Variants in RGS20 observed in about 807,000 individuals in gnomAD.
RGS20 encodes regulator of G protein signaling 20.
Under a neutral mutation model 33.6 loss-of-function variants are expected in RGS20, and 30 were observed. That is an observed-to-expected ratio of 0.89 (90% CI 0.67 to 1.21). The LOEUF is 1.21. Among genes scored for constraint, RGS20 ranks in the 50% most tolerant of loss-of-function variants. RGS20 has a pLI of 0.00. For synonymous variants in RGS20, 208 were observed against 197.9 expected (o/e 1.05, Z -0.43); for missense variants, 472 against 502.4 (o/e 0.94, Z 0.58).
At chr8:53,857,286 C>T (rs1337974291) in intron 1 of RGS20, among the ~76,000 whole-genome samples, 1 of 152,210 alleles carries the variant, frequency 6.6e-6, no homozygotes, top group Non-Finnish European at 1.5e-5. Context: ...GCTGCAGGGT[C>T]TTCCCAAGTG....
At chr8:53,902,707 A>C (rs1813063266) in intron 2 of RGS20, among the ~76,000 whole-genome samples, 1 of 151,798 alleles carries the variant, frequency 6.6e-6, no homozygotes, top group Non-Finnish European at 1.5e-5. Flanking sequence ...TAAGCTTTTA[A>C]ATGTAAAAAC....
chr8:53,939,808 T>C (rs1814238747), intron 3 of RGS20, 84 bp downstream of exon 2: 2 of 1,419,598 alleles, frequency 1.4e-6, no homozygotes, highest in South Asian at 2.9e-5. Context: ...CCCCTGAAAG[T>C]GGTGGCAGCT....
At chr8:53,923,581 T>TGA in intron 2 of RGS20, among the ~76,000 whole-genome samples, 1 of 151,254 alleles carries the variant, frequency 6.6e-6, no homozygotes, top group Non-Finnish European at 1.5e-5. Flanking sequence ...GGCGACAGAG[T>TGA]GAGACTCTGT....
At chr8:53,854,557 G>GA (rs953533417) in intron 1 of RGS20, among the ~76,000 whole-genome samples, 11 of 151,400 alleles carry the variant, frequency 7.3e-5, no homozygotes, top group Admixed American at 3.3e-4. Flanking sequence ...AGCTAAAATG[G>GA]AAAAAAATAG....
At chr8:53,929,668 C>CA (rs1289926054) in intron 2 of RGS20, among the ~76,000 whole-genome samples, 1 of 151,724 alleles carries the variant, frequency 6.6e-6, no homozygotes. Flanking sequence ...AACTACATAT[C>CA]AAAAAAAATG....
intron 2 of RGS20, among the ~76,000 whole-genome samples, chr8:53,907,419 A>G (rs917245676): frequency 6.6e-6 from 1 of 152,006 alleles, no homozygotes; most frequent in Admixed American, 6.6e-5. Flanking sequence ...ATCTGTCTCT[A>G]CTGAAAATAT....
At chr8:53,865,350 T>C (rs1362745036) in intron 1 of RGS20, among the ~76,000 whole-genome samples, 1 of 152,200 alleles carries the variant, frequency 6.6e-6, no homozygotes, top group Non-Finnish European at 1.5e-5. Context: ...GCAGCCTCTA[T>C]CCCACAGTTT....
At chr8:53,937,691 AAAAC>A (rs1328806960) in intron 2 of RGS20, among the ~76,000 whole-genome samples, 76 of 152,222 alleles carry the variant, frequency 5.0e-4, no homozygotes, top group African/African-American at 1.5e-3. Flanking sequence ...TTACAAGAAA[AAAAC>A]AAACAACCCC....
rs747416229 is a variant in RGS20, at chr8:53,937,317, AAAAAT to A, written c.511-2249_511-2245del. ...AATAAATAAATAAATAAATAAACAT[AAAAAT>A]AAAATAAAAAAAGAAAACTGAAATT... On this transcript the variant is annotated intron_variant, in intron 2 of 5. Coordinates refer to ENST00000297313, the MANE Select transcript of RGS20 (RefSeq NM_170587.4). Among the ~76,000 whole-genome samples, 59 of 151,858 alleles carry A rather than the reference AAAAAT, an allele frequency of 3.9e-4. 1 individual carries two copies. The highest frequency in any genetic ancestry group is 7.2e-4 in the Non-Finnish European group (49 of 67,900).
chr8:53,904,454 A>G (rs1258870512), intron 2 of RGS20, among the ~76,000 whole-genome samples: 1 of 151,996 alleles, frequency 6.6e-6, no homozygotes, highest in Non-Finnish European at 1.5e-5. Context: ...TTTGACATTA[A>G]TTTTTCTATG....
intron 2 of RGS20, among the ~76,000 whole-genome samples, chr8:53,897,668 G>GC (rs1812905749): frequency 6.6e-6 from 1 of 151,702 alleles, no homozygotes; most frequent in Non-Finnish European, 1.5e-5. Context: ...TTTTTCATAC[G>GC]CCAACTTGAA....
chr8:53,920,308 T>C (rs917783493), intron 2 of RGS20, among the ~76,000 whole-genome samples: 10 of 152,190 alleles, frequency 6.6e-5, no homozygotes, highest in Admixed American at 5.2e-4. Context: ...CTTATATCAC[T>C]TCCAGAATGT....
At chr8:53,940,312 G>T (rs990921984) in intron 3 of RGS20, among the ~76,000 whole-genome samples, 4 of 152,198 alleles carry the variant, frequency 2.6e-5, no homozygotes, top group Admixed American at 2.0e-4. Context: ...CCTTTGAGTA[G>T]CTGTTAAAGG....
intron 1 of RGS20, among the ~76,000 whole-genome samples, chr8:53,870,276 C>A (rs780967780): frequency 6.6e-6 from 1 of 152,186 alleles, no homozygotes; most frequent in Non-Finnish European, 1.5e-5. Context: ...CACACACACA[C>A]ACACACATCT....
Position 53,952,215 on chromosome 8 carries a change from T to C in RGS20, c.744-1861T>C, listed in dbSNP as rs545271860. Reference sequence around the variant, plus strand: ...GGCTCAGCCTCCCGAGTAGCTGGGATTACAGGCACATGCCACCATGCCCAG... The same window carrying C: ...GGCTCAGCCTCCCGAGTAGCTGGGACTACAGGCACATGCCACCATGCCCAG... On this transcript the variant is annotated intron_variant, in intron 4 of 5. Transcript: ENST00000297313. Among the ~76,000 whole-genome samples, 219 of 137,640 alleles carry C rather than the reference T, an allele frequency of 1.6e-3. 1 individual carries two copies. The highest frequency in any genetic ancestry group is 5.7e-3 in the African/African-American group (212 of 37,354). 90.3% of individuals were successfully genotyped at this position (137,640 alleles called of 152,430 possible).
At chr8:53,894,921 G>A (rs1345289862) in intron 2 of RGS20, among the ~76,000 whole-genome samples, 1 of 152,118 alleles carries the variant, frequency 6.6e-6, no homozygotes, top group East Asian at 1.9e-4. Flanking sequence ...CCACAGGAGG[G>A]GACTAACAGG....
At chr8:53,882,521 G>A (rs1812421621) in intron 2 of RGS20, among the ~76,000 whole-genome samples, 1 of 152,054 alleles carries the variant, frequency 6.6e-6, no homozygotes, top group African/African-American at 2.4e-5. Context: ...TGGTCTACAG[G>A]ATTTCTGTCC....
chr8:53,879,724 G>T (rs1812303822), intron 2 of RGS20: 1 of 875,708 alleles, frequency 1.1e-6, no homozygotes. Context: ...GGGTGGCAAG[G>T]TCGGGAAGGC....
At position 53,851,881 on chromosome 8, in the gene RGS20, G is replaced by C. The variant is rs764403080; in HGVS notation, c.-19G>C. 8.1e-6 allele frequency: 13 copies of C among 1,612,802 alleles called. No homozygotes were observed. Among genetic ancestry groups the C allele is most frequent in the Non-Finnish European group, 8.5e-6 (10 of 1,179,322 alleles). Reference sequence around the variant, plus strand: ...AAAACCAGGCAACAGGACTCATTTGGGGCCTTTATTGTGAAAACATGCCCC... The same window carrying C: ...AAAACCAGGCAACAGGACTCATTTGCGGCCTTTATTGTGAAAACATGCCCC... On this transcript the variant is annotated 5_prime_UTR_variant, in exon 1 of 6. Transcript: ENST00000297313.
Sources: gnomAD v4.1 joint callset for allele counts (sites outside exome capture counted in the v4.1 genomes callset) on GRCh38, gnomAD v4.1.1 for gene constraint, MANE v1.5 for transcripts, NCBI Gene and HGNC (gene_info 2026-07-23, HGNC 2026-07-21) for gene names.